The following SSX2IP variants were observed in gnomAD, a reference collection of about 807,000 sequenced individuals.
SSX2IP encodes the protein SSX family member 2 interacting protein.
A neutral mutation model predicts 84.9 loss-of-function variants in SSX2IP; 55 were observed. The observed-to-expected ratio is 0.65, with a 90% CI of 0.52 to 0.81. SSX2IP has a LOEUF of 0.81. Ranked by LOEUF, SSX2IP falls within the 30% of genes least tolerant of loss-of-function variation. The pLI is 0.00. For synonymous variants in SSX2IP, 239 were observed against 234.7 expected, an observed-to-expected ratio of 1.02 and a Z score of -0.17; for missense variants, 664 against 705.2, an observed-to-expected ratio of 0.94 and a Z score of 0.66.
At chr1:84,657,140 G>A (rs957324181) in intron 9 of SSX2IP, among the ~76,000 whole-genome samples, 2 of 152,004 alleles carry the variant, frequency 1.3e-5, no homozygotes, top group African/African-American at 4.8e-5. Flanking sequence ...TTCATTTACT[G>A]AGCAGAAATC....
chr1:84,649,752 A>T, intron 13 of SSX2IP: 1 of 318,806 alleles, frequency 3.1e-6, no homozygotes, highest in South Asian at 2.7e-5. Context: ...CTAATCTTGG[A>T]ATTGGCACTG....
chr1:84,665,183 A>C (rs1652603475), intron 5 of SSX2IP, among the ~76,000 whole-genome samples: 1 of 152,198 alleles, frequency 6.6e-6, no homozygotes, highest in Admixed American at 6.6e-5. Context: ...GCTAGGGATC[A>C]ACATGATTAA....
intron 8 of SSX2IP, among the ~76,000 whole-genome samples, chr1:84,659,370 TGGCCCAGGATCC>T (rs1040389987): frequency 7.2e-5 from 11 of 152,064 alleles, no homozygotes; most frequent in African/African-American, 2.2e-4. Flanking sequence ...GACAGGGGAA[TGGCCCAGGATCC>T]GGCTCATGGT....
intron 11 of SSX2IP, 38 bp from the exon 12 acceptor site, chr1:84,652,035 C>A: frequency 6.8e-7 from 1 of 1,465,138 alleles, no homozygotes; most frequent in South Asian, 1.1e-5. Flanking sequence ...ATCAATATTT[C>A]AACATCCACA....
At chr1:84,670,030 C>T (rs1003092072) in intron 3 of SSX2IP, 137 bp from the exon 4 acceptor site, 12 of 606,614 alleles carry the variant, frequency 2.0e-5, no homozygotes, top group Admixed American at 9.4e-5. Flanking sequence ...CTAATAACTA[C>T]GTACTATATT....
At chr1:84,655,638 T>G (rs957428971) in intron 11 of SSX2IP, 194 bp downstream of exon 11, 1 of 1,515,548 alleles carries the variant, frequency 6.6e-7, no homozygotes, top group Non-Finnish European at 8.8e-7. Flanking sequence ...TAAGTTCAAT[T>G]CTCAAATCTG....
intron 1 of SSX2IP, among the ~76,000 whole-genome samples, chr1:84,677,812 G>C (rs1654580563): frequency 6.6e-6 from 1 of 152,132 alleles, no homozygotes; most frequent in Non-Finnish European, 1.5e-5. Context: ...AGTGAGTTTA[G>C]AACTAGATTT....
At chr1:84,689,954 T>A (rs1030068249) in intron 1 of SSX2IP, among the ~76,000 whole-genome samples, 3 of 152,134 alleles carry the variant, frequency 2.0e-5, no homozygotes, top group Non-Finnish European at 4.4e-5. Context: ...AAACCCCGCA[T>A]GCCCCACGGC....
chr1:84,667,233 C>A (rs1193484025), intron 4 of SSX2IP, among the ~76,000 whole-genome samples: 2 of 152,104 alleles, frequency 1.3e-5, no homozygotes, highest in Non-Finnish European at 2.9e-5. Context: ...ACACACCCCT[C>A]CTTCCTTTCT....
intron 6 of SSX2IP, 82 bp from the exon 7 acceptor site, chr1:84,662,612 T>C (rs951983984): frequency 6.8e-7 from 1 of 1,468,882 alleles, no homozygotes; most frequent in Non-Finnish European, 9.3e-7. Context: ...TACACGTAAG[T>C]GGTGAAAGTG....
At chr1:84,650,320 A>G in intron 13 of SSX2IP, 42 bp downstream of exon 13, 1 of 1,609,944 alleles carries the variant, frequency 6.2e-7, no homozygotes, top group Non-Finnish European at 8.5e-7. Context: ...CAACTTTAGC[A>G]ATTTTTAGAA....
intron 5 of SSX2IP, among the ~76,000 whole-genome samples, chr1:84,664,850 A>T (rs1195542203): frequency 6.6e-6 from 1 of 152,186 alleles, no homozygotes; most frequent in Non-Finnish European, 1.5e-5. Context: ...TTAAAACTTC[A>T]TCTGAGATAA....
At chr1:84,657,541 T>C (rs1651291267) in intron 9 of SSX2IP, among the ~76,000 whole-genome samples, 1 of 151,864 alleles carries the variant, frequency 6.6e-6, no homozygotes, top group Non-Finnish European at 1.5e-5. Flanking sequence ...ACGATAAATA[T>C]TTCTTGATTT....
chr1:84,651,970 T>C lies in SSX2IP; in HGVS notation c.1417A>G (p.Ser473Gly), dbSNP rs375035748. 1.2e-5 allele frequency: 20 copies of C among 1,613,798 alleles called. No homozygotes were observed. In the African/African-American group the frequency reaches 2.4e-4, roughly 19 times the overall value. Residue 473 changes from serine (S) to glycine (G), a missense_variant, in exon 12 of 14, where the codon AGT becomes GGT. Transcript: ENST00000342203. ...ERKAFEEERA[S>G]WLKQQFLNMT... ...TTTAGAAACTGCTGCTTTAACCAAC[T>C]GGCTCTTTCTTCTTCAAATGCCTTT...
chr1:84,647,595 T>C lies in SSX2IP; in HGVS notation c.1683A>G (p.Val561=), dbSNP rs760394501. Residue 561 remains valine (V), a synonymous_variant, in exon 14 of 14, where the codon GTA becomes GTG. Coordinates refer to ENST00000342203, the MANE Select transcript of SSX2IP (RefSeq NM_001166293.2). ...TAATTTCTTCAGCAGTTATATTCAGTACATTGATTGAACTGTTGGGAAAAG... is the reference window on the plus strand; with the variant it reads ...TAATTTCTTCAGCAGTTATATTCAGCACATTGATTGAACTGTTGGGAAAAG... ...SCISEHSSIN[V]LNITAEEIKP... The C allele has an allele frequency of 6.3e-7, 1 of 1,595,456 alleles. No homozygotes were observed. The highest frequency in any genetic ancestry group is 8.5e-7 in the Non-Finnish European group (1 of 1,170,028).
chr1:84,652,285 T>C (rs1650365640), intron 11 of SSX2IP: 2 of 289,404 alleles, frequency 6.9e-6, no homozygotes, highest in South Asian at 4.5e-5. Context: ...CAGCTGGGCA[T>C]GGTGGCACAG....
rs150210678 is a variant in SSX2IP at position 84,655,291 on chromosome 1, T to C, written c.1389+541A>G. On this transcript the variant is annotated intron_variant, in intron 11 of 13. Coordinates refer to ENST00000342203, the MANE Select transcript of SSX2IP (RefSeq NM_001166293.2). ...GATACTTTCTTACTTTGTAGCTTTT[T>C]TTAATGAGTTTTGTTGATTTTTTTT... 1.7e-4 allele frequency: 175 copies of C among 1,059,374 alleles called. 1 individual carries two copies. The African/African-American group carries it at 2.8e-3, about 17-fold the overall frequency. 65.6% of individuals were successfully genotyped at this position (1,059,374 alleles called of 1,614,324 possible). A position where few individuals can be genotyped will look rare whatever the true frequency, so the allele number is the denominator to read the frequency against.
chr1:84,654,008 AAG>A (rs1463693214), intron 11 of SSX2IP, among the ~76,000 whole-genome samples: 7 of 152,284 alleles, frequency 4.6e-5, no homozygotes, highest in African/African-American at 1.7e-4. Context: ...CTGACCCTGA[AAG>A]GCCAGTTTCG....
chr1:84,647,530 CA>C lies in SSX2IP; in HGVS notation c.1747del (p.Trp583GlyfsTer19), dbSNP rs1649599465. On this transcript the variant is annotated frameshift_variant, in exon 14 of 14. Coordinates refer to ENST00000342203, the MANE Select transcript of SSX2IP (RefSeq NM_001166293.2). LOFTEE classifies it high-confidence loss of function. ...TGATCCAGGTCTTGATGCCACACTCCATTTTTGATTTGTACATTCTCCTCCA... is the reference window on the plus strand; with the variant it reads ...TGATCCAGGTCTTGATGCCACACTCCTTTTTGATTTGTACATTCTCCTCCA... ...QVGGECTNQK[W>X]SVASRPGSQE... is the part of the protein sequence containing the mutation. 6.2e-7 allele frequency: 1 copy of C among 1,613,278 alleles called. No homozygotes were observed. The highest frequency in any genetic ancestry group is 1.3e-5 in the African/African-American group (1 of 74,886).
Sources: gnomAD v4.1 joint callset for allele counts (sites outside exome capture counted in the v4.1 genomes callset) on GRCh38, gnomAD v4.1.1 for gene constraint, MANE v1.5 for transcripts, NCBI Gene and HGNC (gene_info 2026-07-23, HGNC 2026-07-21) for gene names.